The following KCNT2 variants were observed in gnomAD, a reference collection of about 807,000 sequenced individuals.
KCNT2 encodes potassium sodium-activated channel subfamily T member 2.
In KCNT2, 67 loss-of-function variants were observed where a neutral mutation model predicts 153.8. The ratio of observed to expected loss-of-function variants is 0.44; its 90% confidence interval spans 0.36 to 0.53. The LOEUF is 0.53. Among genes scored for constraint, KCNT2 ranks in the 20% least tolerant of loss-of-function variants. KCNT2 has a pLI of 0.00. For synonymous variants in KCNT2, 500 were observed against 458.8 expected (o/e 1.09, Z -1.15); for missense variants, 975 against 1,354.8 (o/e 0.72, Z 4.40).
At chr1:196,346,264 T>C (rs759114267) in intron 14 of KCNT2, among the ~76,000 whole-genome samples, 5 of 152,224 alleles carry the variant, frequency 3.3e-5, no homozygotes, top group Non-Finnish European at 5.9e-5. Context: ...GCTTCCCCTA[T>C]CCCCTACTTA....
At chr1:196,263,682 A>G (rs1163928539) in intron 25 of KCNT2, among the ~76,000 whole-genome samples, 1 of 152,112 alleles carries the variant, frequency 6.6e-6, no homozygotes, top group Non-Finnish European at 1.5e-5. Context: ...CAAGTGAAAA[A>G]AATATCAAAT....
intron 1 of KCNT2, among the ~76,000 whole-genome samples, chr1:196,523,561 T>C (rs1177675384): frequency 2.0e-5 from 3 of 152,222 alleles, no homozygotes; most frequent in Non-Finnish European, 4.4e-5. Context: ...TTTTCCTTCA[T>C]GGTGGCAAGA....
At chr1:196,341,342 A>G (rs1665605241) in intron 15 of KCNT2, among the ~76,000 whole-genome samples, 1 of 151,994 alleles carries the variant, frequency 6.6e-6, no homozygotes, top group African/African-American at 2.4e-5. Context: ...CTGAAAGTGA[A>G]AAATAAAATG....
At chr1:196,280,775 T>G in intron 25 of KCNT2, 85 bp downstream of exon 25, 1 of 1,279,522 alleles carries the variant, frequency 7.8e-7, no homozygotes, top group Non-Finnish European at 1.1e-6. Context: ...TCTCTTGCAT[T>G]TTTTATAAAT....
chr1:196,576,372 T>C (rs1342474756), intron 1 of KCNT2, among the ~76,000 whole-genome samples: 1 of 152,146 alleles, frequency 6.6e-6, no homozygotes, highest in African/African-American at 2.4e-5. Context: ...AGAATTTGAA[T>C]AGATGTTTTT....
intron 12 of KCNT2, among the ~76,000 whole-genome samples, chr1:196,411,446 T>TAAAAAA (rs35196093): frequency 1.0e-5 from 1 of 96,320 alleles, no homozygotes; most frequent in African/African-American, 3.7e-5. Context: ...CTATTCCAGT[T>TAAAAAA]AAAAAAAAAA....
chr1:196,550,210 G>A (rs1462834197), intron 1 of KCNT2, among the ~76,000 whole-genome samples: 1 of 151,802 alleles, frequency 6.6e-6, no homozygotes, highest in Admixed American at 6.6e-5. Flanking sequence ...GGATAAAAAA[G>A]TATTGCTCAA....
chr1:196,399,315 C>A (rs1671221776), intron 12 of KCNT2, among the ~76,000 whole-genome samples: 1 of 151,684 alleles, frequency 6.6e-6, no homozygotes, highest in Non-Finnish European at 1.5e-5. Flanking sequence ...GATAAATGAA[C>A]CACACAGTTA....
chr1:196,313,691 T>G (rs1180795548), intron 21 of KCNT2, among the ~76,000 whole-genome samples: 1 of 151,608 alleles, frequency 6.6e-6, no homozygotes. Flanking sequence ...AAGTTTCATA[T>G]AATTTTTTCC....
chr1:196,356,934 A>T (rs1667222953), intron 14 of KCNT2, among the ~76,000 whole-genome samples: 1 of 151,856 alleles, frequency 6.6e-6, no homozygotes, highest in Non-Finnish European at 1.5e-5. Flanking sequence ...CTACTGGTAG[A>T]ATTTGTTTCA....
At chr1:196,332,699 CT>C (rs1382254092) in intron 17 of KCNT2, among the ~76,000 whole-genome samples, 2 of 151,864 alleles carry the variant, frequency 1.3e-5, no homozygotes, top group African/African-American at 2.4e-5. Flanking sequence ...TGTATAAACA[CT>C]TTTTCTCCAT....
intron 1 of KCNT2, among the ~76,000 whole-genome samples, chr1:196,502,140 G>A (rs928134465): frequency 6.6e-6 from 1 of 152,040 alleles, no homozygotes; most frequent in Non-Finnish European, 1.5e-5. Flanking sequence ...AAAAAAGATA[G>A]TTCAGGCTCA....
intron 1 of KCNT2, among the ~76,000 whole-genome samples, chr1:196,547,696 A>C (rs1410536240): frequency 6.6e-6 from 1 of 151,976 alleles, no homozygotes; most frequent in African/African-American, 2.4e-5. Flanking sequence ...ATAAATGTAG[A>C]AATGTCTAAA....
intron 7 of KCNT2, among the ~76,000 whole-genome samples, chr1:196,466,740 T>C (rs890486036): frequency 1.3e-5 from 2 of 152,060 alleles, no homozygotes; most frequent in Admixed American, 6.6e-5. Context: ...AGTTAGATCA[T>C]TTGCCCATCA....
In KCNT2 at chr1:196,571,834, T is replaced by C. The variant is rs548115350; in HGVS notation, c.95+36381A>G. Among the ~76,000 whole-genome samples, 18 of 152,156 alleles carry C rather than the reference T, an allele frequency of 1.2e-4. 2 individuals carry two copies. The highest frequency in any genetic ancestry group is 4.3e-4 in the African/African-American group (18 of 41,544). On this transcript the variant is annotated intron_variant, in intron 1 of 27. Transcript: ENST00000294725. Reference sequence around the variant, plus strand: ...GGAGAAGTGATGTGAGTTCTTGAGATTTCATGAAACAGAAATATCAGTTGT... The same window carrying C: ...GGAGAAGTGATGTGAGTTCTTGAGACTTCATGAAACAGAAATATCAGTTGT...
intron 27 of KCNT2, among the ~76,000 whole-genome samples, chr1:196,234,411 T>C (rs1654233252): frequency 6.6e-6 from 1 of 151,238 alleles, no homozygotes; most frequent in Non-Finnish European, 1.5e-5. Context: ...CTTTTTCAAT[T>C]CCCAAATCAA....
At chr1:196,242,187 A>G (rs1655018749) in intron 26 of KCNT2, among the ~76,000 whole-genome samples, 1 of 152,152 alleles carries the variant, frequency 6.6e-6, no homozygotes, top group South Asian at 2.1e-4. Context: ...ACAAAACTAT[A>G]CAGATTGTCT....
intron 1 of KCNT2, among the ~76,000 whole-genome samples, chr1:196,607,672 C>T (rs1336028989): frequency 1.3e-5 from 2 of 152,106 alleles, no homozygotes; most frequent in African/African-American, 4.8e-5. Flanking sequence ...CATATTTAAA[C>T]CAATTGTCTA....
chr1:196,278,627 G>T (rs1168098602), intron 25 of KCNT2, among the ~76,000 whole-genome samples: 2 of 151,992 alleles, frequency 1.3e-5, no homozygotes, highest in Non-Finnish European at 2.9e-5. Flanking sequence ...CAGCACAAAA[G>T]AAGTATTTTA....
Sources: gnomAD v4.1 joint callset for allele counts (sites outside exome capture counted in the v4.1 genomes callset) on GRCh38, gnomAD v4.1.1 for gene constraint, MANE v1.5 for transcripts, NCBI Gene and HGNC (gene_info 2026-07-23, HGNC 2026-07-21) for gene names.